The following PDLIM1 variants were observed in gnomAD, a reference collection of about 807,000 sequenced individuals.
The protein encoded by PDLIM1 is PDZ and LIM domain 1.
A neutral mutation model predicts 35.2 loss-of-function variants in PDLIM1; 25 were observed. The observed-to-expected ratio is 0.71, with a 90% CI of 0.52 to 0.99. The LOEUF is 0.99. PDLIM1 is among the 50% of genes least tolerant of loss of function. The pLI, the probability that PDLIM1 is intolerant of heterozygous loss-of-function variation, is 0.00. For synonymous variants in PDLIM1, 152 were observed against 154.0 expected, an observed-to-expected ratio of 0.99 and a Z score of 0.10; for missense variants, 363 against 415.3, an observed-to-expected ratio of 0.87 and a Z score of 1.09.
Position 95,271,617 on chromosome 10 carries a change from T to A in PDLIM1, c.248+16A>T. On this transcript the variant is annotated intron_variant, in intron 2 of 6. Coordinates refer to ENST00000329399, the MANE Select transcript of PDLIM1 (RefSeq NM_020992.4). ...TAGTCAATCAGAAATGAACAAAACG[T>A]TTCCATAGGCTTCACCTGGCTACAG... 1 of 1,581,020 alleles carries A rather than the reference T, an allele frequency of 6.3e-7. No homozygotes were observed. The highest frequency in any genetic ancestry group is 8.6e-7 in the Non-Finnish European group (1 of 1,169,298).
chr10:95,262,627 G>A (rs1174763648), intron 4 of PDLIM1, among the ~76,000 whole-genome samples: 2 of 139,202 alleles, frequency 1.4e-5, no homozygotes, highest in Admixed American at 8.1e-5. Flanking sequence ...TTTACTCAGA[G>A]CTCTGCCTCA....
chr10:95,249,988 G>T (rs2133414827), intron 4 of PDLIM1, among the ~76,000 whole-genome samples: 1 of 152,252 alleles, frequency 6.6e-6, no homozygotes, highest in East Asian at 1.9e-4. Context: ...GGAACTGTGG[G>T]TGCCTCTCAG....
chr10:95,262,655 C>A (rs965824885), intron 4 of PDLIM1, among the ~76,000 whole-genome samples: 1 of 151,130 alleles, frequency 6.6e-6, no homozygotes, highest in Non-Finnish European at 1.5e-5. Flanking sequence ...ATCCTGCCTG[C>A]CACTTTTGGG....
chr10:95,287,444 G>A (rs1273140626), intron 1 of PDLIM1, among the ~76,000 whole-genome samples: 2 of 152,092 alleles, frequency 1.3e-5, no homozygotes, highest in Non-Finnish European at 2.9e-5. Flanking sequence ...CCACAGAACC[G>A]CTCAGCTCTT....
chr10:95,290,231 A>G lies in PDLIM1; in HGVS notation c.96+589T>C, dbSNP rs1212572782. On this transcript the variant is annotated intron_variant, in intron 1 of 6. Coordinates refer to ENST00000329399, the MANE Select transcript of PDLIM1 (RefSeq NM_020992.4). This position sits in a 1 kb window ranked among gnomAD's most constrained non-coding sequence, Gnocchi z 4.7. Reference sequence around the variant, plus strand: ...TTCTGCAGAGGGGAGAATGACCAAGAGGGTTTACTTGAGTTTGTTTGTTGT... The same window carrying G: ...TTCTGCAGAGGGGAGAATGACCAAGGGGGTTTACTTGAGTTTGTTTGTTGT... 6.6e-6 allele frequency among the ~76,000 whole-genome samples: 1 copy of G among 151,912 alleles called. No individual in the cohort carries two copies. The highest frequency in any genetic ancestry group is 2.4e-5 in the African/African-American group (1 of 41,216).
intron 5 of PDLIM1, chr10:95,238,986 A>G (rs12777195): frequency 0.35 from 83,705 of 238,732 alleles, 16,698 homozygotes; most frequent in Middle Eastern, 0.48. Flanking sequence ...GGCTACAGTA[A>G]TCAAAACGAC....
At chr10:95,287,476 C>T (rs1225045030) in intron 1 of PDLIM1, among the ~76,000 whole-genome samples, 1 of 152,116 alleles carries the variant, frequency 6.6e-6, no homozygotes, top group Non-Finnish European at 1.5e-5. Flanking sequence ...CCCCAGGACT[C>T]CAGAGACAAA....
chr10:95,252,978 A>C (rs2035279440), intron 4 of PDLIM1, among the ~76,000 whole-genome samples: 1 of 152,208 alleles, frequency 6.6e-6, no homozygotes, highest in South Asian at 2.1e-4. Flanking sequence ...TACTAGAAGA[A>C]ATCATGTCTG....
At chr10:95,251,650 C>T (rs12776258) in intron 4 of PDLIM1, among the ~76,000 whole-genome samples, 3 of 152,064 alleles carry the variant, frequency 2.0e-5, no homozygotes, top group South Asian at 4.1e-4. Flanking sequence ...GGAATAGAAA[C>T]GGGGATTACG....
At position 95,248,744 on chromosome 10, in the gene PDLIM1, C is replaced by A. The variant is rs570944428; in HGVS notation, c.534-1378G>T. Among the ~76,000 whole-genome samples the A allele has an allele frequency of 2.8e-4, 42 of 152,358 alleles. 1 individual carries two copies. In the South Asian group the frequency reaches 3.3e-3, roughly 12 times the overall value. On this transcript the variant is annotated intron_variant, in intron 4 of 6. Coordinates refer to ENST00000329399, the MANE Select transcript of PDLIM1 (RefSeq NM_020992.4). ...CAAACTTCTCCCTCCACACACATCC[C>A]CTGCCAGCCCTGGCCCACTCTGCTC...
chr10:95,262,578 C>G (rs552210399), intron 4 of PDLIM1, among the ~76,000 whole-genome samples: 1 of 152,148 alleles, frequency 6.6e-6, no homozygotes, highest in Admixed American at 6.5e-5. Context: ...CAGGAATGCA[C>G]GCTCCAGCTG....
At chr10:95,262,159 C>T (rs953303316) in intron 4 of PDLIM1, among the ~76,000 whole-genome samples, 1 of 152,106 alleles carries the variant, frequency 6.6e-6, no homozygotes, top group Non-Finnish European at 1.5e-5. Context: ...CCAAGGAGCC[C>T]TTGAGAGGTG....
At chr10:95,265,072 GA>G (rs1322396100) in intron 3 of PDLIM1, among the ~76,000 whole-genome samples, 2 of 152,096 alleles carry the variant, frequency 1.3e-5, no homozygotes, top group East Asian at 3.9e-4. Context: ...GTGTTTTCCA[GA>G]AAAATCTTCC....
intron 1 of PDLIM1, among the ~76,000 whole-genome samples, chr10:95,283,833 A>G (rs1181952208): frequency 6.6e-6 from 1 of 152,068 alleles, no homozygotes; most frequent in African/African-American, 2.4e-5. Flanking sequence ...GAACTGCTAA[A>G]CCTCCCTGTG....
chr10:95,237,784 G>A lies in PDLIM1; in HGVS notation c.*141C>T, dbSNP rs544411417. 50 of 660,388 alleles carry A rather than the reference G, an allele frequency of 7.6e-5. 1 individual carries two copies. In the South Asian group the frequency reaches 9.4e-4, roughly 12 times the overall value. The allele number at this position is 660,388 out of a possible 1,614,324, so 40.9% of individuals were successfully genotyped here. A position where few individuals can be genotyped will look rare whatever the true frequency, so the allele number is the denominator to read the frequency against. On this transcript the variant is annotated 3_prime_UTR_variant, in exon 7 of 7. Coordinates refer to ENST00000329399, the MANE Select transcript of PDLIM1 (RefSeq NM_020992.4). ...CAGCTGGTGTGAGTCAATTAACCAA[G>A]GCAGGGAGGGGACTCAATGTTTTAC...
chr10:95,266,361 C>T (rs1041112965), intron 3 of PDLIM1, among the ~76,000 whole-genome samples: 5 of 152,068 alleles, frequency 3.3e-5, no homozygotes, highest in Admixed American at 6.6e-5. Flanking sequence ...GATGGGTGGC[C>T]TGGTACCCTT....
chr10:95,274,251 C>T (rs1355360095), intron 1 of PDLIM1, among the ~76,000 whole-genome samples: 2 of 151,284 alleles, frequency 1.3e-5, no homozygotes, highest in Non-Finnish European at 2.9e-5. Flanking sequence ...CTCAAAGAGG[C>T]CTTCCTTCAC....
At chr10:95,264,299 C>A (rs1398195864) in intron 3 of PDLIM1, among the ~76,000 whole-genome samples, 1 of 152,202 alleles carries the variant, frequency 6.6e-6, no homozygotes, top group African/African-American at 2.4e-5. Flanking sequence ...TCTCTACCTT[C>A]TGATTCTTCC....
intron 4 of PDLIM1, among the ~76,000 whole-genome samples, chr10:95,258,558 G>A (rs2133422153): frequency 6.6e-6 from 1 of 152,236 alleles, no homozygotes; most frequent in East Asian, 1.9e-4. Flanking sequence ...GGAAAACCTT[G>A]AGGACATTAT....
Sources: gnomAD v4.1 joint callset for allele counts (sites outside exome capture counted in the v4.1 genomes callset) on GRCh38, gnomAD v4.1.1 for gene constraint, Gnocchi (gnomAD v3.1) non-coding constraint, MANE v1.5 for transcripts, NCBI Gene and HGNC (gene_info 2026-07-23, HGNC 2026-07-21) for gene names.